Variants in CDK17 observed in about 807,000 individuals in gnomAD.
CDK17 encodes the protein cyclin dependent kinase 17, also known as cyclin-dependent kinase 17.
In CDK17, 24 loss-of-function variants were observed where a neutral mutation model predicts 77.6. The observed-to-expected ratio is 0.31, with a 90% CI of 0.22 to 0.44. CDK17 has a LOEUF of 0.44. CDK17 is among the 20% of genes least tolerant of loss of function. The pLI, the probability that CDK17 is intolerant of heterozygous loss-of-function variation, is 1.00. For missense variants in CDK17, 429 were observed against 622.5 expected (o/e 0.69, Z 3.31); for synonymous variants, 203 against 210.4 (o/e 0.96, Z 0.30).
chr12:96,365,543 T>C (rs983621011), intron 1 of CDK17, among the ~76,000 whole-genome samples: 9 of 152,238 alleles, frequency 5.9e-5, no homozygotes, highest in African/African-American at 2.2e-4. Flanking sequence ...CTTTCAATTT[T>C]TGTGAAATTA....
chr12:96,322,507 A>G (rs1457715736), intron 3 of CDK17, among the ~76,000 whole-genome samples: 1 of 151,810 alleles, frequency 6.6e-6, no homozygotes, highest in East Asian at 1.9e-4. Flanking sequence ...AAAAAAAAAA[A>G]CAAACCCTGG....
chr12:96,368,460 T>C (rs1383627071), intron 1 of CDK17, among the ~76,000 whole-genome samples: 2 of 152,132 alleles, frequency 1.3e-5, no homozygotes, highest in African/African-American at 4.8e-5. Context: ...ATCAATGTGC[T>C]CTGCAGCTGG....
intron 5 of CDK17, among the ~76,000 whole-genome samples, chr12:96,308,858 G>A (rs1325370787): frequency 6.6e-6 from 1 of 151,778 alleles, no homozygotes; most frequent in East Asian, 1.9e-4. Flanking sequence ...GGTATTAGGT[G>A]GTATTTTATC....
chr12:96,364,749 T>C (rs887439394), intron 1 of CDK17, among the ~76,000 whole-genome samples: 1 of 152,090 alleles, frequency 6.6e-6, no homozygotes, highest in Non-Finnish European at 1.5e-5. Flanking sequence ...AAACAGAAAA[T>C]ATTTTTCTCT....
chr12:96,290,548 T>C (rs992903675), intron 10 of CDK17, among the ~76,000 whole-genome samples: 1 of 152,222 alleles, frequency 6.6e-6, no homozygotes, highest in Admixed American at 6.5e-5. Context: ...AGGTTATAAC[T>C]GGAACAATGT....
intron 2 of CDK17, among the ~76,000 whole-genome samples, chr12:96,328,820 G>A (rs752996212): frequency 2.5e-4 from 38 of 152,240 alleles, no homozygotes; most frequent in Non-Finnish European, 4.3e-4. Context: ...ACATATATAT[G>A]GTAGTTGAAA....
chr12:96,372,864 C>G (rs996627459), intron 1 of CDK17, among the ~76,000 whole-genome samples: 2 of 152,056 alleles, frequency 1.3e-5, no homozygotes, highest in Non-Finnish European at 2.9e-5. Flanking sequence ...TATAGAAAAG[C>G]ATTTTAAAAC....
At chr12:96,325,128 A>C (rs926921129) in intron 2 of CDK17, among the ~76,000 whole-genome samples, 7 of 152,226 alleles carry the variant, frequency 4.6e-5, no homozygotes, top group African/African-American at 1.7e-4. Context: ...TTAAAGATAC[A>C]AGTCTTGTGA....
chr12:96,297,941 A>G (rs931605928), intron 7 of CDK17, among the ~76,000 whole-genome samples: 1 of 152,018 alleles, frequency 6.6e-6, no homozygotes, highest in African/African-American at 2.4e-5. Context: ...TAAAAAAAAA[A>G]AAAAAAGATT....
chr12:96,362,350 C>A (rs1953505550), intron 1 of CDK17, among the ~76,000 whole-genome samples: 1 of 152,172 alleles, frequency 6.6e-6, no homozygotes, highest in African/African-American at 2.4e-5. Flanking sequence ...TCCTGAGTAG[C>A]TGGTATTACA....
chr12:96,339,640 A>C (rs903482234), intron 1 of CDK17, among the ~76,000 whole-genome samples: 7 of 152,100 alleles, frequency 4.6e-5, no homozygotes, highest in Middle Eastern at 3.2e-3. Flanking sequence ...TATTAATAAC[A>C]TGTTGAGGGC....
At chr12:96,335,145 A>T in intron 1 of CDK17, 2 of 460,022 alleles carry the variant, frequency 4.3e-6, no homozygotes, top group South Asian at 3.5e-5. Context: ...AATTTTCTTA[A>T]AATGTGTATT....
chr12:96,329,727 A>G (rs1256150996), intron 2 of CDK17, among the ~76,000 whole-genome samples: 2 of 152,224 alleles, frequency 1.3e-5, no homozygotes, highest in Non-Finnish European at 2.9e-5. Context: ...GTTATGATGT[A>G]ACCACAAACT....
chr12:96,297,104 A>G (rs1317616047), intron 9 of CDK17, among the ~76,000 whole-genome samples, 166 bp downstream of exon 9: 1 of 152,232 alleles, frequency 6.6e-6, no homozygotes, highest in Non-Finnish European at 1.5e-5. Context: ...ATAGTGTAGT[A>G]AACAGAAGTT....
Position 96,385,364 on chromosome 12 carries a change from G to T in CDK17, c.-30+14622C>A, listed in dbSNP as rs146277920. Among the ~76,000 whole-genome samples the T allele has an allele frequency of 2.0e-3, 302 of 152,134 alleles. 3 individuals are homozygous for T. The highest frequency in any genetic ancestry group is 9.1e-4 in the Non-Finnish European group (62 of 67,992). Reference sequence around the variant, plus strand: ...CAGACACTGGAGATGACTAGAAGGGGTTGGCAAATGGGGGCATGGGCTGAA... The same window carrying T: ...CAGACACTGGAGATGACTAGAAGGGTTTGGCAAATGGGGGCATGGGCTGAA... On this transcript the variant is annotated intron_variant, in intron 1 of 16. Transcript: ENST00000261211.
At chr12:96,348,493 C>A (rs1953261072) in intron 1 of CDK17, among the ~76,000 whole-genome samples, 1 of 131,718 alleles carries the variant, frequency 7.6e-6, no homozygotes, top group Non-Finnish European at 1.5e-5. Flanking sequence ...CACTGCACTG[C>A]AGCCTGGGCA....
chr12:96,348,544 A>T (rs1161174353), intron 1 of CDK17, among the ~76,000 whole-genome samples: 3 of 147,144 alleles, frequency 2.0e-5, no homozygotes, highest in African/African-American at 7.4e-5. Context: ...AAAAAAAAAC[A>T]AAAAAGAAAA....
intron 1 of CDK17, among the ~76,000 whole-genome samples, chr12:96,361,905 T>C (rs1009689111): frequency 6.6e-6 from 1 of 152,242 alleles, no homozygotes; most frequent in Non-Finnish European, 1.5e-5. Flanking sequence ...TTTAGATGAA[T>C]GCTATTTCAT....
At chr12:96,385,292 C>T (rs1028680091) in intron 1 of CDK17, among the ~76,000 whole-genome samples, 2 of 152,002 alleles carry the variant, frequency 1.3e-5, no homozygotes, top group South Asian at 4.2e-4. Context: ...CCAGCCTGGG[C>T]GACAGAGTGA....
Sources: allele counts gnomAD v4.1 joint callset (sites outside exome capture counted in the v4.1 genomes callset), GRCh38; gene constraint gnomAD v4.1.1; transcripts MANE v1.5; gene names NCBI Gene and HGNC (gene_info 2026-07-23, HGNC 2026-07-21).